The following DICER1 variants were observed in gnomAD, a reference collection of about 807,000 sequenced individuals.
DICER1 encodes the protein dicer 1, ribonuclease III.
In DICER1, 43 loss-of-function variants were observed where a neutral mutation model predicts 194.1. That is an observed-to-expected ratio of 0.22 (90% confidence interval 0.17 to 0.29). DICER1 has a LOEUF of 0.29. Ranked by LOEUF, DICER1 falls within the 10% of genes least tolerant of loss-of-function variation. DICER1 has a pLI of 1.00. For missense variants in DICER1, 1,608 were observed against 2,317.0 expected, an observed-to-expected ratio of 0.69 and a Z score of 6.28; for synonymous variants, 832 against 820.5, an observed-to-expected ratio of 1.01 and a Z score of -0.24.
chr14:95,123,966 A>T (rs1893157959), intron 8 of DICER1, among the ~76,000 whole-genome samples: 2 of 152,238 alleles, frequency 1.3e-5, no homozygotes, highest in South Asian at 4.1e-4. Flanking sequence ...GGTAGATTAG[A>T]ATAGATTAGC....
At chr14:95,113,338 T>C (rs1892152399) in intron 11 of DICER1, 114 bp from the exon 12 acceptor site, 1 of 1,038,286 alleles carries the variant, frequency 9.6e-7, no homozygotes, top group Non-Finnish European at 1.5e-6. Flanking sequence ...TTTGTATTTA[T>C]ATGTGGCATT....
At chr14:95,117,582 C>A in intron 9 of DICER1, 40 bp downstream of exon 9, 2 of 1,611,858 alleles carry the variant, frequency 1.2e-6, no homozygotes, top group Non-Finnish European at 1.7e-6. Flanking sequence ...TGTATATGTC[C>A]CGAAAACTGT....
chr14:95,108,289 G>A (rs775543912), intron 15 of DICER1, 35 bp downstream of exon 15: 14 of 1,589,796 alleles, frequency 8.8e-6, no homozygotes, highest in Admixed American at 1.7e-5. Flanking sequence ...TAAGCAAGAC[G>A]TTTTTGACAT....
intron 24 of DICER1, 87 bp from the exon 25 acceptor site, chr14:95,091,452 A>C: frequency 8.3e-7 from 1 of 1,209,974 alleles, no homozygotes; most frequent in South Asian, 1.2e-5. Flanking sequence ...TGGATATATG[A>C]CTTTTGTTAC....
At chr14:95,103,280 A>C in intron 21 of DICER1, 66 bp downstream of exon 21, 1 of 1,525,988 alleles carries the variant, frequency 6.6e-7, no homozygotes, top group South Asian at 1.1e-5. Context: ...AGATTATCCA[A>C]CACTGCAAAC....
At chr14:95,129,938 C>T (rs573714861) in intron 5 of DICER1, 120 bp downstream of exon 5, 1 of 877,440 alleles carries the variant, frequency 1.1e-6, no homozygotes, top group African/African-American at 1.7e-5. Context: ...TTCATTCATA[C>T]ACTGCAGCCA....
At chr14:95,149,759 T>C (rs1434398132) in intron 1 of DICER1, among the ~76,000 whole-genome samples, 2 of 152,266 alleles carry the variant, frequency 1.3e-5, no homozygotes, top group Non-Finnish European at 2.9e-5. Flanking sequence ...TAATTCGATG[T>C]TGAGAATAAG....
chr14:95,112,321 A>C lies in DICER1; in HGVS notation c.2041-74T>G, dbSNP rs1005654150. ...CCTCTAGCACATGAAACACCTATGA[A>C]ACCACTGCCCCAACATTTTTAAAGT... On this transcript the variant is annotated intron_variant, in intron 12 of 26. Coordinates refer to ENST00000343455, the MANE Select transcript of DICER1 (RefSeq NM_177438.3). 1.9e-5 allele frequency: 22 copies of C among 1,170,004 alleles called. No individual in the cohort carries two copies. The African/African-American group carries it at 3.3e-4, about 18-fold the overall frequency. The allele number at this position is 1,170,004 out of a possible 1,614,324, so 72.5% of individuals were successfully genotyped here.
rs200765325 is a variant in DICER1, at chr14:95,093,869, C to G, written c.5364+19G>C. 2 of 1,613,854 alleles carry G rather than the reference C, an allele frequency of 1.2e-6. No individual in the cohort carries two copies. The highest frequency in any genetic ancestry group is 1.7e-6 in the Non-Finnish European group (2 of 1,179,852). On this transcript the variant is annotated intron_variant, in intron 24 of 26. Coordinates refer to ENST00000343455, the MANE Select transcript of DICER1 (RefSeq NM_177438.3). ...CTAGTTAGACCACTTTTTTCAACAT[C>G]GTTTTGAACAGCACTAACCTCAGAA...
chr14:95,132,391 A>G, intron 3 of DICER1, 124 bp downstream of exon 3: 1 of 1,043,552 alleles, frequency 9.6e-7, no homozygotes. Context: ...AGAAGAGATT[A>G]AATGAGTACA....
At chr14:95,148,067 T>C (rs895589651) in intron 1 of DICER1, among the ~76,000 whole-genome samples, 1 of 152,112 alleles carries the variant, frequency 6.6e-6, no homozygotes, top group African/African-American at 2.4e-5. Flanking sequence ...GTAAAGGATA[T>C]TACAAAGATC....
intron 5 of DICER1, 79 bp from the exon 6 acceptor site, chr14:95,129,711 A>G (rs539699350): frequency 3.0e-6 from 4 of 1,336,880 alleles, no homozygotes; most frequent in East Asian, 2.4e-5. Flanking sequence ...ATATTAAAAC[A>G]TATCAAAATC....
chr14:95,147,755 G>A (rs748348953), intron 1 of DICER1, among the ~76,000 whole-genome samples: 6 of 152,072 alleles, frequency 3.9e-5, no homozygotes, highest in East Asian at 1.9e-4. Flanking sequence ...CCACCCTTCC[G>A]TGTCAATTGC....
chr14:95,092,036 G>A (rs993365386), intron 24 of DICER1, among the ~76,000 whole-genome samples: 6 of 152,114 alleles, frequency 3.9e-5, no homozygotes, highest in Non-Finnish European at 8.8e-5. Context: ...GAGGTAACTA[G>A]ATACATAAGC....
rs559982570 is a variant in DICER1 at position 95,135,027 on chromosome 14, T to C, written c.-45-1524A>G. On this transcript the variant is annotated intron_variant, in intron 1 of 26. Transcript: ENST00000343455. ...CCCTCAGGACTTGCAGGCTCATCAG[T>C]TAAACTTTTTTCTTAATACAACTGC... 7.2e-5 allele frequency among the ~76,000 whole-genome samples: 11 copies of C among 152,224 alleles called. No homozygotes were observed. In the East Asian group the frequency reaches 2.1e-3, roughly 29 times the overall value.
intron 8 of DICER1, among the ~76,000 whole-genome samples, chr14:95,122,041 T>G (rs879134165): frequency 6.6e-6 from 1 of 152,214 alleles, no homozygotes; most frequent in African/African-American, 2.4e-5. Flanking sequence ...CTAAGCTTAT[T>G]AAAAAGCTTA....
chr14:95,114,969 G>A (rs1892307672), intron 11 of DICER1, among the ~76,000 whole-genome samples: 1 of 152,150 alleles, frequency 6.6e-6, no homozygotes, highest in Non-Finnish European at 1.5e-5. Context: ...AAGGAGACTA[G>A]GAAGATGTGA....
Position 95,099,874 on chromosome 14 carries a change from A to G in DICER1, c.4112T>C (p.Val1371Ala). 6.2e-7 allele frequency: 1 copy of G among 1,614,060 alleles called. No individual in the cohort carries two copies. The highest frequency in any genetic ancestry group is 8.5e-7 in the Non-Finnish European group (1 of 1,180,006). ...KKKGLPSRMV[V>A]SIFDPPVNWL... ...ATTCACAGGGGGATCAAATATTGAC[A>G]CCACCATGCGGCTGGGTAGTCCCTT... Residue 1371 changes from valine to alanine, a missense_variant, in exon 22 of 27, where the codon GTG becomes GCG. Coordinates refer to ENST00000343455, the MANE Select transcript of DICER1 (RefSeq NM_177438.3).
At chr14:95,091,537 TAA>T in intron 24 of DICER1, 172 bp from the exon 25 acceptor site, 1 of 637,134 alleles carries the variant, frequency 1.6e-6, no homozygotes, top group Non-Finnish European at 2.6e-6. Flanking sequence ...GTTATATTTT[TAA>T]AAAAGTTTTT....
Sources: allele counts gnomAD v4.1 joint callset (sites outside exome capture counted in the v4.1 genomes callset), GRCh38; gene constraint gnomAD v4.1.1; transcripts MANE v1.5; gene names NCBI Gene and HGNC (gene_info 2026-07-23, HGNC 2026-07-21).